Variants in ANKRD44 observed in about 807,000 individuals in gnomAD.
ANKRD44 encodes the protein ankyrin repeat domain 44.
ANKRD44 carries 35 observed loss-of-function variants against 116.0 expected under a neutral mutation model. The observed-to-expected ratio is 0.30, with a 90% CI of 0.23 to 0.40. The LOEUF (loss-of-function observed/expected upper bound fraction) is 0.40, where lower values mean the gene tolerates loss of function less well. Ranked by LOEUF, ANKRD44 falls within the 10% of genes least tolerant of loss-of-function variation. The pLI, the probability that ANKRD44 is intolerant of heterozygous loss-of-function variation, is 1.00. For synonymous variants in ANKRD44, 435 were observed against 461.8 expected, an observed-to-expected ratio of 0.94 and a Z score of 0.74; for missense variants, 1,014 against 1,242.6, an observed-to-expected ratio of 0.82 and a Z score of 2.77.
rs531140544 is a variant in ANKRD44 at position 197,275,731 on chromosome 2, G to A, written c.27+34847C>T. ...TTTTGGTCGTTACAATGATTACAGG[G>A]CTCTGCTGGCATATGGGGGGTGGGA... On this transcript the variant is annotated intron_variant, in intron 1 of 27. Transcript: ENST00000282272. 2.6e-5 allele frequency among the ~76,000 whole-genome samples: 4 copies of A among 151,904 alleles called. No homozygotes were observed. In the South Asian group the frequency reaches 6.3e-4, roughly 24 times the overall value.
chr2:197,045,926 T>C (rs1044766819), intron 16 of ANKRD44, among the ~76,000 whole-genome samples: 1 of 152,194 alleles, frequency 6.6e-6, no homozygotes, highest in Admixed American at 6.5e-5. Flanking sequence ...GGAAATAACA[T>C]GGCCCATAAC....
intron 13 of ANKRD44, among the ~76,000 whole-genome samples, chr2:197,084,532 C>T (rs1005299798): frequency 3.9e-5 from 6 of 152,126 alleles, no homozygotes; most frequent in Admixed American, 2.0e-4. Flanking sequence ...ATGCAGAATC[C>T]GAATCCAAAT....
chr2:197,242,125 A>G (rs1004378711), intron 1 of ANKRD44, among the ~76,000 whole-genome samples: 1 of 152,312 alleles, frequency 6.6e-6, no homozygotes. Flanking sequence ...TTTATGTGCC[A>G]GGAAATGCAC....
chr2:197,298,857 C>A (rs1466603045), intron 1 of ANKRD44, among the ~76,000 whole-genome samples: 6 of 151,530 alleles, frequency 4.0e-5, no homozygotes, highest in Admixed American at 2.0e-4. Flanking sequence ...GTCAAGGCTG[C>A]AGTGAGCTGT....
rs772943596 is a variant in ANKRD44 at position 197,000,445 on chromosome 2, G to A, written c.2493C>T (p.Ile831=). 6.8e-6 allele frequency: 11 copies of A among 1,613,870 alleles called. No individual in the cohort carries two copies. The highest frequency in any genetic ancestry group is 1.7e-5 in the Admixed American group (1 of 59,998). ...SLLLGAIDSS[I]VSCRDDKGRT... The stretch of plus-strand genomic sequence containing the variant: ...TGCCTTTGTCATCTCTACAACTGAC[G>A]ATACTGGAATCTATGGCCCCAAGCA... Residue 831 remains isoleucine (I), a synonymous_variant, in exon 23 of 28, where the codon ATC becomes ATT. Coordinates refer to ENST00000282272, the MANE Select transcript of ANKRD44 (RefSeq NM_001195144.2).
Position 196,972,817 on chromosome 2 carries a change from A to G in ANKRD44, c.2369-5371T>C, listed in dbSNP as rs542322791. On this transcript the variant is annotated intron_variant, in intron 21 of 21. Coordinates refer to the ANKRD44 transcript ENST00000424317. ...TCTCTTTCTCCAGCATAGATTCCCT[A>G]AAGTATGAGTGCTTGTTGAAAGGGT... Among the ~76,000 whole-genome samples the G allele has an allele frequency of 5.3e-5, 8 of 152,318 alleles. No individual in the cohort carries two copies. In the South Asian group the frequency reaches 1.4e-3, roughly 28 times the overall value.
At chr2:197,294,215 C>T (rs912055648) in intron 1 of ANKRD44, among the ~76,000 whole-genome samples, 1 of 152,272 alleles carries the variant, frequency 6.6e-6, no homozygotes, top group Admixed American at 6.5e-5. Flanking sequence ...AAGTTGTACA[C>T]TACATTAATT....
At chr2:197,017,203 G>C (rs945610636) in intron 17 of ANKRD44, among the ~76,000 whole-genome samples, 2 of 152,024 alleles carry the variant, frequency 1.3e-5, no homozygotes, top group East Asian at 3.9e-4. Flanking sequence ...AAAGAGAAAA[G>C]AAGTTGCAAA....
chr2:197,182,163 AG>A (rs2080522841), intron 2 of ANKRD44, among the ~76,000 whole-genome samples: 1 of 152,194 alleles, frequency 6.6e-6, no homozygotes, highest in Non-Finnish European at 1.5e-5. Context: ...TCTTGAGCTC[AG>A]TTTGGTTAGT....
intron 21 of ANKRD44, 78 bp from the exon 22 acceptor site, chr2:197,001,918 T>C: frequency 4.7e-6 from 5 of 1,074,492 alleles, no homozygotes; most frequent in Non-Finnish European, 6.9e-6. Context: ...TCATTAAGTA[T>C]TGAGTTTTTG....
intron 12 of ANKRD44, among the ~76,000 whole-genome samples, chr2:197,087,364 G>A (rs927143401): frequency 6.6e-6 from 1 of 152,200 alleles, no homozygotes; most frequent in African/African-American, 2.4e-5. Flanking sequence ...ATCATATTTA[G>A]TAGAGAGAAA....
intron 1 of ANKRD44, chr2:197,302,455 TAAAAATTA>T (rs1415323263): frequency 6.6e-6 from 1 of 152,160 alleles, no homozygotes; most frequent in Non-Finnish European, 1.5e-5. Context: ...TAAAACTACA[TAAAAATTA>T]AAAGTTTAAA....
chr2:197,269,850 A>G (rs1055163107), intron 1 of ANKRD44, among the ~76,000 whole-genome samples: 2 of 152,188 alleles, frequency 1.3e-5, no homozygotes, highest in Admixed American at 1.3e-4. Context: ...CTCAAAGAAC[A>G]TGTAGGAATT....
intron 1 of ANKRD44, among the ~76,000 whole-genome samples, chr2:197,187,679 C>T (rs201463511): frequency 8.0e-5 from 11 of 137,698 alleles, no homozygotes; most frequent in South Asian, 2.3e-4. Context: ...TCTCTCTCTC[C>T]CTCTTCTTCT....
intron 10 of ANKRD44, among the ~76,000 whole-genome samples, chr2:197,097,909 C>T (rs1029206652): frequency 6.6e-6 from 1 of 152,224 alleles, no homozygotes. Flanking sequence ...CTTTCCTCCT[C>T]ATTTCTTTCC....
intron 10 of ANKRD44, among the ~76,000 whole-genome samples, chr2:197,096,270 G>T (rs1336444577): frequency 2.0e-5 from 3 of 152,108 alleles, no homozygotes; most frequent in African/African-American, 7.2e-5. Flanking sequence ...TGGCATCATA[G>T]GTACCACTTA....
intron 8 of ANKRD44, 100 bp downstream of exon 8, chr2:197,121,232 T>G (rs2078846285): frequency 8.5e-7 from 1 of 1,178,538 alleles, no homozygotes; most frequent in Non-Finnish European, 1.2e-6. Context: ...GGCTGTGAGG[T>G]TCCAACTCAC....
At chr2:197,300,018 A>C (rs191602960) in intron 1 of ANKRD44, among the ~76,000 whole-genome samples, 29 of 152,334 alleles carry the variant, frequency 1.9e-4, no homozygotes, top group African/African-American at 6.7e-4. Flanking sequence ...ATGGACACAG[A>C]AGGGCCCATA....
In ANKRD44 at chr2:197,045,772, G is replaced by T. The variant is rs532729194; in HGVS notation, c.1651-20505C>A. The stretch of plus-strand genomic sequence containing the variant: ...TTCTAAATAACATGTACTCAAGAAG[G>T]CATGCATTATTTAACAAGGTACCTG... On this transcript the variant is annotated intron_variant, in intron 16 of 27. Transcript: ENST00000282272. 5.8e-4 allele frequency among the ~76,000 whole-genome samples: 88 copies of T among 152,142 alleles called. 1 individual carries two copies. Among genetic ancestry groups the T allele is most frequent in the Non-Finnish European group, 1.9e-4 (13 of 68,014 alleles).
Sources: gnomAD v4.1 joint callset for allele counts (sites outside exome capture counted in the v4.1 genomes callset) on GRCh38, gnomAD v4.1.1 for gene constraint, MANE v1.5 for transcripts, NCBI Gene and HGNC (gene_info 2026-07-23, HGNC 2026-07-21) for gene names.